NEO1: variants seen among roughly 807,000 people sequenced by gnomAD.
NEO1 encodes the protein neogenin.
In NEO1, 63 loss-of-function variants were observed where a neutral mutation model predicts 159.7. That is an observed-to-expected ratio of 0.39 (90% confidence interval 0.32 to 0.49). The LOEUF (loss-of-function observed/expected upper bound fraction) is 0.49, where lower values mean the gene tolerates loss of function less well. Ranked by LOEUF, NEO1 falls within the 20% of genes least tolerant of loss-of-function variation. NEO1 has a pLI of 0.85. For missense variants in NEO1, 1,615 were observed against 1,831.0 expected, an observed-to-expected ratio of 0.88 and a Z score of 2.15; for synonymous variants, 633 against 662.0, an observed-to-expected ratio of 0.96 and a Z score of 0.67.
intron 1 of NEO1, among the ~76,000 whole-genome samples, chr15:73,100,378 AG>A (rs2070333511): frequency 6.7e-6 from 1 of 149,810 alleles, no homozygotes; most frequent in African/African-American, 2.5e-5. Flanking sequence ...TCTGTTGCCC[AG>A]GCTGGAGTGC....
chr15:73,053,319 G>A (rs2067551865), intron 1 of NEO1, among the ~76,000 whole-genome samples: 1 of 152,048 alleles, frequency 6.6e-6, no homozygotes, highest in Admixed American at 6.5e-5. Context: ...CGCGGGGATT[G>A]GAGCCCGAGT....
intron 7 of NEO1, among the ~76,000 whole-genome samples, chr15:73,224,633 A>G (rs1036571902): frequency 6.6e-6 from 1 of 152,084 alleles, no homozygotes; most frequent in East Asian, 1.9e-4. Context: ...TTGCATTTCT[A>G]TAAGTGTGTC....
At chr15:73,287,862 G>A (rs534849393) in intron 23 of NEO1, among the ~76,000 whole-genome samples, 33 of 148,744 alleles carry the variant, frequency 2.2e-4, no homozygotes, top group Admixed American at 2.7e-4. Flanking sequence ...CTTGGGCGAC[G>A]AGCAAAACTC....
chr15:73,103,957 C>T (rs1354243581), intron 1 of NEO1, among the ~76,000 whole-genome samples: 1 of 152,184 alleles, frequency 6.6e-6, no homozygotes, highest in Non-Finnish European at 1.5e-5. Flanking sequence ...TGGGCTCAAG[C>T]AGTCCTCTCA....
At chr15:73,279,393 G>T (rs1400048554) in intron 22 of NEO1, among the ~76,000 whole-genome samples, 2 of 132,500 alleles carry the variant, frequency 1.5e-5, no homozygotes, top group Non-Finnish European at 3.1e-5. Context: ...CTGTCACCCA[G>T]GCTGGAGTGC....
intron 4 of NEO1, among the ~76,000 whole-genome samples, chr15:73,127,230 C>CAAAAAA (rs762924676): frequency 3.4e-4 from 42 of 125,218 alleles, no homozygotes; most frequent in African/African-American, 8.1e-4. Flanking sequence ...GACGCCGTCT[C>CAAAAAA]AAAAAAAAAA....
chr15:73,086,875 C>T lies in NEO1; in HGVS notation c.131-29665C>T, dbSNP rs141568423. Reference sequence around the variant, plus strand: ...TTCACCATGTTGGCCAGGCTGGTCTCGAACTCCTGATCTCATGTGATTCAC... The same window carrying T: ...TTCACCATGTTGGCCAGGCTGGTCTTGAACTCCTGATCTCATGTGATTCAC... On this transcript the variant is annotated intron_variant, in intron 1 of 28. Transcript: ENST00000261908. 6.1e-3 allele frequency among the ~76,000 whole-genome samples: 923 copies of T among 152,016 alleles called. 33 individuals carry two copies. Among genetic ancestry groups the T allele is most frequent in the Admixed American group, 0.043 (654 of 15,252 alleles).
chr15:73,130,934 A>G (rs1166151921), intron 4 of NEO1, among the ~76,000 whole-genome samples: 1 of 152,212 alleles, frequency 6.6e-6, no homozygotes, highest in East Asian at 1.9e-4. Flanking sequence ...GTGGAGGCCT[A>G]GTGGGGAGCT....
Position 73,097,776 on chromosome 15 carries a change from C to CTTTTTTTTTTTTTTT in NEO1, c.131-18756_131-18742dup, listed in dbSNP as rs34165169. 8.5e-4 allele frequency among the ~76,000 whole-genome samples: 64 copies of CTTTTTTTTTTTTTTT among 75,546 alleles called. 2 individuals carry two copies. The highest frequency in any genetic ancestry group is 2.6e-3 in the African/African-American group (31 of 11,932). 49.6% of individuals were successfully genotyped at this position (75,546 alleles called of 152,430 possible). A position where few individuals can be genotyped will look rare whatever the true frequency, so the allele number is the denominator to read the frequency against. On this transcript the variant is annotated intron_variant, in intron 1 of 28. Coordinates refer to ENST00000261908, the MANE Select transcript of NEO1 (RefSeq NM_002499.4). ...TTCTAATCCCAGACCTGGAACTAGC[C>CTTTTTTTTTTTTTTT]TTTTTTTTTTTTTTTTTTTTTTGTA...
At chr15:73,061,567 G>T (rs565994298) in intron 1 of NEO1, among the ~76,000 whole-genome samples, 151 of 152,266 alleles carry the variant, frequency 9.9e-4, no homozygotes, top group Non-Finnish European at 1.6e-3. Flanking sequence ...TATTAACAGC[G>T]TTACTAAACC....
At position 73,293,492 on chromosome 15, in the gene NEO1, G is replaced by C. The variant is rs2042237747; in HGVS notation, c.3845G>C (p.Gly1282Ala). The change falls in exon 26 of 29, where the codon GGC (glycine) becomes GCC (alanine). Residue 1282 changes from glycine (G) to alanine (A), a missense_variant. By Grantham distance (60) the Gly-to-Ala change is moderately conservative. Around this residue, in one of 3 missense-constraint regions of NEO1, gnomAD observed 471 missense variants for 498.9 expected, o/e 0.94. Transcript: ENST00000261908. ...GCTCGCAGTCATCTCTACCACCCGG[G>C]CAGCCCATGGCCCATTGGCACATCC... ...SPARSHLYHP[G>A]SPWPIGTSMS... 6 of 1,614,036 alleles carry C rather than the reference G, an allele frequency of 3.7e-6. No individual in the cohort carries two copies. Among genetic ancestry groups the C allele is most frequent in the Non-Finnish European group, 5.1e-6 (6 of 1,180,036 alleles).
At chr15:73,117,411 A>G (rs1031242971) in intron 2 of NEO1, among the ~76,000 whole-genome samples, 1 of 152,232 alleles carries the variant, frequency 6.6e-6, no homozygotes, top group African/African-American at 2.4e-5. Context: ...AAGAAAAATT[A>G]GGGATCTTGA....
intron 23 of NEO1, 24 bp downstream of exon 23, chr15:73,283,135 T>C: frequency 6.2e-7 from 1 of 1,612,842 alleles, no homozygotes; most frequent in Non-Finnish European, 8.5e-7. Context: ...GATGCACCCC[T>C]TAGATTTTTG....
chr15:73,201,276 T>C (rs937427736), intron 7 of NEO1, among the ~76,000 whole-genome samples: 7 of 151,772 alleles, frequency 4.6e-5, no homozygotes, highest in Non-Finnish European at 7.4e-5. Context: ...GTTTCACTTA[T>C]TTTCATTCAG....
chr15:73,235,692 C>T (rs2039133416), intron 7 of NEO1, among the ~76,000 whole-genome samples: 1 of 152,206 alleles, frequency 6.6e-6, no homozygotes, highest in African/African-American at 2.4e-5. Context: ...GTATAACTTA[C>T]AATGAAGAAG....
chr15:73,263,186 T>C (rs1346066095), intron 15 of NEO1, among the ~76,000 whole-genome samples: 1 of 142,196 alleles, frequency 7.0e-6, no homozygotes, highest in Non-Finnish European at 1.5e-5. Flanking sequence ...TACCTCATAG[T>C]TGACTTTTTT....
intron 8 of NEO1, among the ~76,000 whole-genome samples, chr15:73,242,660 A>G (rs2150898002): frequency 6.6e-6 from 1 of 152,316 alleles, no homozygotes; most frequent in African/African-American, 2.4e-5. Flanking sequence ...ACAGAGTGAG[A>G]CCCTGTCTCA....
chr15:73,112,282 T>C (rs1468968937), intron 1 of NEO1, among the ~76,000 whole-genome samples: 1 of 152,138 alleles, frequency 6.6e-6, no homozygotes, highest in Admixed American at 6.6e-5. Context: ...AGCCACCTAT[T>C]TGTATAAATA....
intron 15 of NEO1, 88 bp from the exon 16 acceptor site, chr15:73,266,228 T>C (rs1195211619): frequency 7.2e-6 from 7 of 967,868 alleles, no homozygotes; most frequent in African/African-American, 1.7e-5. Flanking sequence ...TCTTGAATTC[T>C]TCTGTGGTTA....
Sources: gnomAD v4.1 joint callset for allele counts (sites outside exome capture counted in the v4.1 genomes callset) on GRCh38, gnomAD v4.1.1 for gene constraint, gnomAD v4.1.1 regional missense constraint, MANE v1.5 for transcripts, NCBI Gene and HGNC (gene_info 2026-07-23, HGNC 2026-07-21) for gene names.